The following CDKL2 variants were observed in gnomAD, a reference collection of about 807,000 sequenced individuals.
The protein encoded by CDKL2 is cyclin dependent kinase like 2.
A neutral mutation model predicts 63.9 loss-of-function variants in CDKL2; 64 were observed. The ratio of observed to expected loss-of-function variants is 1.00; its 90% confidence interval spans 0.82 to 1.23. The LOEUF (loss-of-function observed/expected upper bound fraction) is 1.23. Ranked by LOEUF, CDKL2 falls within the 50% of genes most tolerant of loss-of-function variation. The probability of loss-of-function intolerance (pLI) is 0.00; values close to 1 mark genes in which losing one functional copy is unlikely to be tolerated. For synonymous variants in CDKL2, 211 were observed against 229.2 expected (o/e 0.92, Z 0.72); for missense variants, 656 against 668.0 (o/e 0.98, Z 0.20).
chr4:75,614,840 G>A (rs551211071), intron 2 of CDKL2, among the ~76,000 whole-genome samples: 1 of 125,490 alleles, frequency 8.0e-6, no homozygotes, highest in East Asian at 2.0e-4. Flanking sequence ...AAGCGTAAGA[G>A]TTCTCTGAAG....
At chr4:75,621,777 T>C (rs572793820) in intron 2 of CDKL2, among the ~76,000 whole-genome samples, 175 of 152,244 alleles carry the variant, frequency 1.1e-3, no homozygotes, top group African/African-American at 3.7e-3. Flanking sequence ...TTTCTTATCA[T>C]CAGATTTGCT....
chr4:75,605,485 A>T (rs1729382736), intron 5 of CDKL2, 37 bp downstream of exon 5: 1 of 1,252,260 alleles, frequency 8.0e-7, no homozygotes, highest in African/African-American at 1.5e-5. Flanking sequence ...TATGCAGAAA[A>T]ATCTCTAAAA....
At chr4:75,609,171 T>C (rs1421083444) in intron 3 of CDKL2, among the ~76,000 whole-genome samples, 1 of 152,176 alleles carries the variant, frequency 6.6e-6, no homozygotes, top group Admixed American at 6.5e-5. Flanking sequence ...ATCATTGGAC[T>C]TTTGGGTGGA....
Position 75,598,081 on chromosome 4 carries a change from A to G in CDKL2, c.1016T>C (p.Val339Ala). Residue 339 changes from valine (V) to alanine (A), a missense_variant, in exon 8 of 14, where the codon GTA (valine) becomes GCA (alanine). Transcript: ENST00000307465. Reference protein sequence around the residue: ...SLVEERKTLVVQDTNADPKIK... With the variant: ...SLVEERKTLVAQDTNADPKIK... ...ATGTGAAACATGAACATTTACCTGTACCACAAGTGTTTTTCTTTCTTCAAC... is the reference window on the plus strand; with the variant it reads ...ATGTGAAACATGAACATTTACCTGTGCCACAAGTGTTTTTCTTTCTTCAAC... The G allele has an allele frequency of 6.6e-7, 1 of 1,511,804 alleles. No individual in the cohort carries two copies. Among genetic ancestry groups the G allele is most frequent in the Non-Finnish European group, 9.0e-7 (1 of 1,116,568 alleles). 93.6% of individuals were successfully genotyped at this position (1,511,804 alleles called of 1,614,324 possible). A position where few individuals can be genotyped will look rare whatever the true frequency, so the allele number is the denominator to read the frequency against.
At chr4:75,621,454 G>A (rs1730153808) in intron 2 of CDKL2, among the ~76,000 whole-genome samples, 1 of 152,100 alleles carries the variant, frequency 6.6e-6, no homozygotes, top group Non-Finnish European at 1.5e-5. Context: ...AGAACAGTAG[G>A]ATTCTATCTT....
At chr4:75,628,864 A>C (rs914702772) in intron 1 of CDKL2, among the ~76,000 whole-genome samples, 6 of 152,134 alleles carry the variant, frequency 3.9e-5, no homozygotes, top group African/African-American at 1.4e-4. Context: ...TTTTTAATGT[A>C]GCTATATGTG....
intron 10 of CDKL2, among the ~76,000 whole-genome samples, chr4:75,594,600 T>C (rs866629143): frequency 8.6e-5 from 13 of 151,030 alleles, no homozygotes; most frequent in African/African-American, 2.7e-4. Context: ...GTCAGGTAAA[T>C]GCAATGGAAA....
chr4:75,621,441 C>A (rs1454392961), intron 2 of CDKL2, among the ~76,000 whole-genome samples: 1 of 152,132 alleles, frequency 6.6e-6, no homozygotes, highest in Non-Finnish European at 1.5e-5. Context: ...AGCAACGGAG[C>A]CCAGAACAGT....
intron 2 of CDKL2, among the ~76,000 whole-genome samples, chr4:75,621,913 T>G (rs1730173258): frequency 6.6e-6 from 1 of 152,204 alleles, no homozygotes; most frequent in East Asian, 1.9e-4. Flanking sequence ...AACTGCTGAC[T>G]GTGAACAATT....
chr4:75,589,269 TGTA>T (rs921915789), intron 12 of CDKL2, among the ~76,000 whole-genome samples: 22 of 151,192 alleles, frequency 1.5e-4, no homozygotes, highest in African/African-American at 5.3e-4. Context: ...TACAAAATAG[TGTA>T]GTCATTTTGG....
chr4:75,615,744 G>C (rs1488913415), intron 2 of CDKL2, among the ~76,000 whole-genome samples: 9 of 152,206 alleles, frequency 5.9e-5, no homozygotes, highest in Non-Finnish European at 1.0e-4. Flanking sequence ...TGTAATCCCA[G>C]TGACTTGGGA....
Position 75,592,577 on chromosome 4 carries a change from G to A in CDKL2, c.1417-308C>T, listed in dbSNP as rs953851065. ...AAGGTTAAAAGATGGGCATTGATGCGCTGGTTCTTCAGGCCAGCAAGGTCG... is the reference window on the plus strand; with the variant it reads ...AAGGTTAAAAGATGGGCATTGATGCACTGGTTCTTCAGGCCAGCAAGGTCG... On this transcript the variant is annotated intron_variant, in intron 10 of 13. Transcript: ENST00000307465. Among the ~76,000 whole-genome samples the A allele has an allele frequency of 8.5e-5, 13 of 152,284 alleles. No individual in the cohort carries two copies. In the East Asian group the frequency reaches 9.6e-4, roughly 11 times the overall value.
chr4:75,614,550 C>A, intron 2 of CDKL2, 101 bp from the exon 3 acceptor site: 1 of 706,960 alleles, frequency 1.4e-6, no homozygotes, highest in Non-Finnish European at 2.3e-6. Context: ...AAATAGATCT[C>A]AGCGTAAGAA....
rs113409304 is a variant in CDKL2, at chr4:75,587,853, G to A, written c.1647+3966C>T. On this transcript the variant is annotated intron_variant, in intron 12 of 13. Transcript: ENST00000307465. ...TGGGAGGCAGAGCTTGCAGTGAGCCGAGATCGAGCCATTGCACTCCAGCCT... is the reference window on the plus strand; with the variant it reads ...TGGGAGGCAGAGCTTGCAGTGAGCCAAGATCGAGCCATTGCACTCCAGCCT... Among the ~76,000 whole-genome samples, 551 of 149,292 alleles carry A rather than the reference G, an allele frequency of 3.7e-3. 4 individuals carry two copies. Among genetic ancestry groups the A allele is most frequent in the African/African-American group, 0.013 (534 of 40,306 alleles).
intron 3 of CDKL2, 63 bp from the exon 4 acceptor site, chr4:75,607,424 T>C: frequency 2.4e-6 from 3 of 1,272,584 alleles, no homozygotes; most frequent in Non-Finnish European, 3.3e-6. Context: ...GCACCTGCTA[T>C]GTGCAGGGCA....
chr4:75,577,313 A>G lies in CDKL2; in HGVS notation c.*1889T>C, dbSNP rs1384753175. Reference sequence around the variant, plus strand: ...TTGATTATGTAATCTTGTTGATTACATCAACAAGAATCACTGAAACCAATT... The same window carrying G: ...TTGATTATGTAATCTTGTTGATTACGTCAACAAGAATCACTGAAACCAATT... On this transcript the variant is annotated 3_prime_UTR_variant, in exon 14 of 14. Coordinates refer to ENST00000307465, the MANE Select transcript of CDKL2 (RefSeq NM_001330724.2). Among the ~76,000 whole-genome samples the G allele has an allele frequency of 2.6e-5, 4 of 152,160 alleles. No homozygotes were observed. Among genetic ancestry groups the G allele is most frequent in the Admixed American group, 6.6e-5 (1 of 15,264 alleles).
intron 6 of CDKL2, among the ~76,000 whole-genome samples, chr4:75,602,241 C>T (rs189969042): frequency 9.3e-4 from 141 of 151,590 alleles, no homozygotes; most frequent in African/African-American, 3.1e-3. Flanking sequence ...AGTGCAGTGG[C>T]GTAATCTCAG....
At position 75,577,321 on chromosome 4, in the gene CDKL2, G is replaced by A. The variant is rs1200232934; in HGVS notation, c.*1881C>T. Among the ~76,000 whole-genome samples, 1 of 152,064 alleles carries A rather than the reference G, an allele frequency of 6.6e-6. No homozygotes were observed. Among genetic ancestry groups the A allele is most frequent in the African/African-American group, 2.4e-5 (1 of 41,416 alleles). Reference sequence around the variant, plus strand: ...GTAATCTTGTTGATTACATCAACAAGAATCACTGAAACCAATTTGCAGAAT... The same window carrying A: ...GTAATCTTGTTGATTACATCAACAAAAATCACTGAAACCAATTTGCAGAAT... On this transcript the variant is annotated 3_prime_UTR_variant, in exon 14 of 14. Coordinates refer to ENST00000307465, the MANE Select transcript of CDKL2 (RefSeq NM_001330724.2).
chr4:75,595,982 AAGGAAGGAAGG>A lies in CDKL2; in HGVS notation c.1416+254_1416+264del, dbSNP rs1728905285. On this transcript the variant is annotated intron_variant, in intron 10 of 13. Transcript: ENST00000307465. ...GAAGGAAGGAAGGAAGGAAAGAAGG[AAGGAAGGAAGG>A]AAGGAAGGAAGGAAGGAAGGAAGGA... 1.2e-5 allele frequency: 2 copies of A among 164,212 alleles called. 1 individual carries two copies. Among genetic ancestry groups the A allele is most frequent in the African/African-American group, 1.1e-4 (2 of 18,532 alleles). The allele number at this position is 164,212 out of a possible 1,614,324, so 10.2% of individuals were successfully genotyped here. A position where few individuals can be genotyped will look rare whatever the true frequency, so the allele number is the denominator to read the frequency against.
Sources: gnomAD v4.1 joint callset for allele counts (sites outside exome capture counted in the v4.1 genomes callset) on GRCh38, gnomAD v4.1.1 for gene constraint, MANE v1.5 for transcripts, NCBI Gene and HGNC (gene_info 2026-07-23, HGNC 2026-07-21) for gene names.